Variants in LARGE1 observed in about 807,000 individuals in gnomAD.
The protein encoded by LARGE1 is xylosyl- and glucuronyltransferase LARGE1.
In LARGE1, 43 loss-of-function variants were observed where a neutral mutation model predicts 87.6. The ratio of observed to expected loss-of-function variants is 0.49; its 90% CI spans 0.38 to 0.63. The LOEUF (loss-of-function observed/expected upper bound fraction) is 0.63, where lower values mean the gene tolerates loss of function less well. LARGE1 is among the 30% of genes least tolerant of loss of function. LARGE1 has a pLI of 0.00. For missense variants in LARGE1, 802 were observed against 1,000.2 expected (o/e 0.80, Z 2.67); for synonymous variants, 434 against 394.6 (o/e 1.10, Z -1.18).
At chr22:33,739,701 G>A (rs1024535262) in intron 2 of LARGE1, among the ~76,000 whole-genome samples, 1 of 152,208 alleles carries the variant, frequency 6.6e-6, no homozygotes, top group African/African-American at 2.4e-5. Flanking sequence ...CCTGAGCTCA[G>A]TGGGGCAGCC....
At chr22:33,708,583 T>C (rs1189935686) in intron 2 of LARGE1, among the ~76,000 whole-genome samples, 2 of 152,114 alleles carry the variant, frequency 1.3e-5, no homozygotes, top group South Asian at 4.2e-4. Flanking sequence ...GATATCAAAG[T>C]GTTGGCAGGG....
At chr22:33,868,459 G>C (rs1401446181) in intron 1 of LARGE1, among the ~76,000 whole-genome samples, 1 of 152,118 alleles carries the variant, frequency 6.6e-6, no homozygotes, top group Non-Finnish European at 1.5e-5. Flanking sequence ...TTCACCTGGT[G>C]GGGAGGACAG....
intron 1 of LARGE1, among the ~76,000 whole-genome samples, chr22:33,880,803 A>G (rs1447658097): frequency 1.3e-5 from 2 of 152,184 alleles, no homozygotes; most frequent in East Asian, 3.8e-4. Context: ...ACATATTAAC[A>G]TAAGTATATG....
chr22:33,660,778 C>T lies in LARGE1; in HGVS notation c.107-10110G>A, dbSNP rs145578405. Among the ~76,000 whole-genome samples, 1,455 of 152,300 alleles carry T rather than the reference C, an allele frequency of 9.6e-3. 24 individuals carry two copies. The highest frequency in any genetic ancestry group is 0.033 in the African/African-American group (1,378 of 41,562). ...TCAATGTGGCTATTTACTATAAAAT[C>T]AAATGCAGAAATACTATAGAATTTC... is the stretch of plus-strand genomic sequence containing the variant. On this transcript the variant is annotated intron_variant, in intron 2 of 14. Coordinates refer to ENST00000397394, the MANE Select transcript of LARGE1 (RefSeq NM_133642.5).
At chr22:33,362,603 T>C (rs1281673602) in intron 9 of LARGE1, among the ~76,000 whole-genome samples, 1 of 150,146 alleles carries the variant, frequency 6.7e-6, no homozygotes, top group Admixed American at 6.6e-5. Flanking sequence ...AAATGGGCTC[T>C]GTGCTCAGCA....
At chr22:33,883,962 G>A (rs1045999492) in intron 1 of LARGE1, among the ~76,000 whole-genome samples, 1 of 152,198 alleles carries the variant, frequency 6.6e-6, no homozygotes, top group East Asian at 1.9e-4. Context: ...CCCTCTGCCA[G>A]AACACAAACT....
At chr22:33,452,584 G>A (rs953805537) in intron 6 of LARGE1, among the ~76,000 whole-genome samples, 1 of 152,150 alleles carries the variant, frequency 6.6e-6, no homozygotes, top group African/African-American at 2.4e-5. Flanking sequence ...CTGCCTGGGG[G>A]GACATCTGTT....
At chr22:33,381,658 A>C (rs532600473) in intron 9 of LARGE1, among the ~76,000 whole-genome samples, 225 of 152,260 alleles carry the variant, frequency 1.5e-3, no homozygotes, top group Non-Finnish European at 2.8e-3. Context: ...GCATGAACCA[A>C]AAGAGCCAGC....
chr22:33,073,805 A>G, the LARGE1 span, among the ~76,000 whole-genome samples: 1 of 152,224 alleles, frequency 6.6e-6, no homozygotes, highest in Admixed American at 6.5e-5. Context: ...GGTAGCCGAG[A>G]ACATATACAT....
intron 2 of LARGE1, among the ~76,000 whole-genome samples, chr22:33,674,943 G>T (rs920510041): frequency 1.3e-5 from 2 of 151,604 alleles, no homozygotes; most frequent in African/African-American, 4.9e-5. Context: ...CATTCTATCT[G>T]CAACATCCAG....
At chr22:33,153,018 T>C in the LARGE1 span, among the ~76,000 whole-genome samples, 1 of 152,180 alleles carries the variant, frequency 6.6e-6, no homozygotes. Flanking sequence ...ACTCTGATTA[T>C]AATTCTCTGT....
At chr22:33,447,090 C>T (rs1241373972) in intron 6 of LARGE1, among the ~76,000 whole-genome samples, 1 of 152,210 alleles carries the variant, frequency 6.6e-6, no homozygotes, top group Non-Finnish European at 1.5e-5. Context: ...GACAGGGTTT[C>T]ACCATGGTGG....
chr22:33,501,767 A>G (rs1196361170), intron 6 of LARGE1, among the ~76,000 whole-genome samples: 1 of 152,172 alleles, frequency 6.6e-6, no homozygotes, highest in Non-Finnish European at 1.5e-5. Context: ...AGCCCAAAGC[A>G]AGTGATTTTC....
intron 11 of LARGE1, among the ~76,000 whole-genome samples, chr22:33,178,689 TA>T (rs1285540734): frequency 6.6e-6 from 1 of 152,214 alleles, no homozygotes; most frequent in Non-Finnish European, 1.5e-5. Context: ...TCCTCCTCAA[TA>T]TACCTAAGAG....
At chr22:33,138,687 G>T in the LARGE1 span, among the ~76,000 whole-genome samples, 15 of 152,142 alleles carry the variant, frequency 9.9e-5, no homozygotes, top group East Asian at 2.7e-3. Context: ...CAGGTGATCT[G>T]CCCACCTCGG....
chr22:33,422,857 T>C (rs1205122556), intron 7 of LARGE1, among the ~76,000 whole-genome samples: 5 of 151,954 alleles, frequency 3.3e-5, no homozygotes, highest in African/African-American at 7.3e-5. Context: ...TCATGAGAAA[T>C]CCACCCCCAT....
At chr22:33,661,792 T>C (rs1267626272) in intron 2 of LARGE1, among the ~76,000 whole-genome samples, 3 of 152,048 alleles carry the variant, frequency 2.0e-5, no homozygotes, top group Admixed American at 2.0e-4. Context: ...ATCATGAGTG[T>C]GTCTTTAATT....
intron 11 of LARGE1, among the ~76,000 whole-genome samples, chr22:33,178,751 T>C (rs1318872636): frequency 6.6e-6 from 1 of 152,170 alleles, no homozygotes; most frequent in Non-Finnish European, 1.5e-5. Flanking sequence ...TTAGTACTAA[T>C]GCTGAAACCA....
chr22:33,324,086 G>C (rs5754524), intron 10 of LARGE1, among the ~76,000 whole-genome samples: 1 of 151,834 alleles, frequency 6.6e-6, no homozygotes, highest in Non-Finnish European at 1.5e-5. Flanking sequence ...ACAAAAATTA[G>C]CCAGGTGTGG....
Sources: gnomAD v4.1 joint callset for allele counts (sites outside exome capture counted in the v4.1 genomes callset) on GRCh38, gnomAD v4.1.1 for gene constraint, MANE v1.5 for transcripts, NCBI Gene and HGNC (gene_info 2026-07-23, HGNC 2026-07-21) for gene names.